PHYKPL: variants seen among roughly 807,000 people sequenced by gnomAD.
PHYKPL encodes 5-phosphohydroxy-L-lysine phospho-lyase, also known as 5-phosphonooxy-L-lysine phospho-lyase.
In PHYKPL, 42 loss-of-function variants were observed where a neutral mutation model predicts 51.3. The ratio of observed to expected loss-of-function variants is 0.82; its 90% CI spans 0.64 to 1.06. The LOEUF (loss-of-function observed/expected upper bound fraction) is 1.06, where lower values mean the gene tolerates loss of function less well. Among genes scored for constraint, PHYKPL ranks in the 50% least tolerant of loss-of-function variants. PHYKPL has a pLI of 0.00. For missense variants in PHYKPL, 655 were observed against 586.6 expected (o/e 1.12, Z -1.20); for synonymous variants, 264 against 236.0 (o/e 1.12, Z -1.09).
At chr5:178,232,462 C>CCCCCGCGA (rs1763719127) in intron 1 of PHYKPL, 30 bp downstream of exon 1, 1 of 1,358,398 alleles carries the variant, frequency 7.4e-7, no homozygotes, top group African/African-American at 1.5e-5. Context: ...CAGCCCCGCG[C>CCCCCGCGA]CCCCCGCCGC....
rs200663099 is a variant in PHYKPL, at chr5:178,224,429, C to T, written c.618+19G>A. The T allele has an allele frequency of 6.5e-7, 1 of 1,548,544 alleles. No individual in the cohort carries two copies. The highest frequency in any genetic ancestry group is 1.2e-5 in the South Asian group (1 of 80,712). On this transcript the variant is annotated intron_variant, in intron 6 of 12. Transcript: ENST00000308158. ...GACATTCACTGTTGGCTGGATTGGA[C>T]AGGCGCGGACACGGTTACCTTCCTG... is the stretch of plus-strand genomic sequence containing the variant.
intron 1 of PHYKPL, 80 bp downstream of exon 1, chr5:178,232,412 G>GCGTGCGTGCGTGCGT (rs1287606256): frequency 4.0e-5 from 54 of 1,336,078 alleles, no homozygotes; most frequent in Non-Finnish European, 5.0e-5. Flanking sequence ...CGTGCGTAGT[G>GCGTGCGTGCGTGCGT]CGTGCGTGCG....
chr5:178,225,372 G>A lies in PHYKPL; in HGVS notation c.396C>T (p.Asp132=), dbSNP rs528494634. The A allele has an allele frequency of 1.1e-5, 17 of 1,614,042 alleles. No homozygotes were observed. The highest frequency in any genetic ancestry group is 8.9e-5 in the East Asian group (4 of 44,884). ...GCACTTACTGATCTAATACCACCAC[G>A]TCCTGGTGTCCCGTGTAGTGGCGAG... is the stretch of plus-strand genomic sequence containing the variant. ...RLARHYTGHQ[D]VVVLDHAYHG... is the part of the protein sequence containing the mutation. Residue 132 remains aspartate, a synonymous_variant, in exon 4 of 13, where the codon GAC becomes GAT. Transcript: ENST00000308158.
chr5:178,213,933 C>A (rs780532089), intron 10 of PHYKPL, among the ~76,000 whole-genome samples: 51 of 152,174 alleles, frequency 3.4e-4, no homozygotes, highest in Non-Finnish European at 6.0e-4. Context: ...TGGAAAAGCA[C>A]CCCCAGGGTA....
Position 178,231,967 on chromosome 5 carries a change from C to CA in PHYKPL, c.60-445dup, listed in dbSNP as rs375451706. On this transcript the variant is annotated intron_variant, in intron 1 of 12. Coordinates refer to ENST00000308158, the MANE Select transcript of PHYKPL (RefSeq NM_153373.4). ...GGCCCTGCTGCCCCTCGCTGGGTGC[C>CA]AGCCCTAAGCTCCAGTGGGAGGCGA... 3.3e-6 allele frequency: 4 copies of CA among 1,229,512 alleles called. No individual in the cohort carries two copies. The East Asian group carries it at 2.3e-4, about 70-fold the overall frequency. 76.2% of individuals were successfully genotyped at this position (1,229,512 alleles called of 1,614,324 possible).
chr5:178,216,751 G>A (rs1044516992), intron 8 of PHYKPL: 13 of 152,236 alleles, frequency 8.5e-5, no homozygotes, highest in Admixed American at 5.9e-4. Flanking sequence ...TTACAAACAT[G>A]TTAGCTGGGT....
At chr5:178,222,321 C>A in intron 8 of PHYKPL, 34 bp downstream of exon 8, 1 of 1,575,182 alleles carries the variant, frequency 6.3e-7, no homozygotes, top group South Asian at 1.2e-5. Flanking sequence ...TATCAGAACC[C>A]ATGTTGCTCC....
intron 3 of PHYKPL, among the ~76,000 whole-genome samples, chr5:178,229,395 A>G (rs902587131): frequency 6.6e-6 from 1 of 152,174 alleles, no homozygotes; most frequent in Admixed American, 6.5e-5. Context: ...GGCATGAGCC[A>G]TCGTGCCCAG....
chr5:178,223,801 C>A, intron 6 of PHYKPL: 2 of 284,278 alleles, frequency 7.0e-6, no homozygotes, highest in Non-Finnish European at 1.4e-5. Context: ...AGGTAACACA[C>A]CTCTCTCTCC....
intron 12 of PHYKPL, chr5:178,210,302 C>T: frequency 1.2e-6 from 2 of 1,613,768 alleles, no homozygotes; most frequent in Non-Finnish European, 1.7e-6. Context: ...GCCCCATCCG[C>T]TCACCCCTCG....
intron 8 of PHYKPL, among the ~76,000 whole-genome samples, chr5:178,218,086 G>T (rs1228957860): frequency 1.8e-5 from 2 of 109,400 alleles, no homozygotes; most frequent in Admixed American, 9.8e-5. Context: ...GCGTGGTAGC[G>T]GGCGCCTGTA....
chr5:178,211,744 G>C, intron 12 of PHYKPL, 146 bp downstream of exon 12: 1 of 614,382 alleles, frequency 1.6e-6, no homozygotes, highest in East Asian at 2.8e-5. Flanking sequence ...AGAATTTCCA[G>C]TGTTGAAGAA....
chr5:178,210,217 C>A (rs754101035), intron 12 of PHYKPL: 2 of 1,612,118 alleles, frequency 1.2e-6, no homozygotes, highest in African/African-American at 1.3e-5. Context: ...CTGGCTATGG[C>A]GGCTACGACT....
chr5:178,225,230 A>G (rs2913869), intron 4 of PHYKPL, 125 bp downstream of exon 4: 303,380 of 1,097,118 alleles, frequency 0.28, 43,539 homozygotes, highest in South Asian at 0.33. Context: ...TGCCTGCCAC[A>G]CTTGTCTTCA....
intron 1 of PHYKPL, chr5:178,232,065 T>C (rs1763575875): frequency 8.4e-7 from 1 of 1,187,654 alleles, no homozygotes; most frequent in Non-Finnish European, 1.1e-6. Context: ...CCCCCGACTC[T>C]CCCTTGTCTG....
In PHYKPL at chr5:178,224,672, G is replaced by T; in HGVS notation, c.471C>A (p.Asn157Lys). ...LIDISPYKFR[N>K]LDGQKEWVHV... ...GGACCCACTCCTTCTGGCCATCCAG[G>T]TTGCGGAACTTGTAGGGACTGATGT... The change falls in exon 5 of 13, where the codon AAC (asparagine) becomes AAA (lysine). Residue 157 changes from asparagine to lysine, a missense_variant. Physicochemically the swap from Asn to Lys is moderately conservative, Grantham distance 94. Transcript: ENST00000308158. 6.2e-7 allele frequency: 1 copy of T among 1,614,250 alleles called. No homozygotes were observed. The highest frequency in any genetic ancestry group is 1.6e-4 in the Middle Eastern group (1 of 6,062).
intron 8 of PHYKPL, among the ~76,000 whole-genome samples, chr5:178,221,224 TAAAC>T (rs569905039): frequency 1.3e-3 from 199 of 152,234 alleles, no homozygotes; most frequent in African/African-American, 4.5e-3. Context: ...AACAAAGAAA[TAAAC>T]AAAAGTCAGG....
At chr5:178,222,150 G>A (rs1424077949) in intron 8 of PHYKPL, among the ~76,000 whole-genome samples, 1 of 152,248 alleles carries the variant, frequency 6.6e-6, no homozygotes, top group Non-Finnish European at 1.5e-5. Context: ...ATGGTCCCTT[G>A]TGACAGCTTT....
At position 178,224,546 on chromosome 5, in the gene PHYKPL, A is replaced by G. The variant is rs918811303; in HGVS notation, c.520T>C (p.Tyr174His). The G allele has an allele frequency of 3.1e-6, 5 of 1,614,176 alleles. No individual in the cohort carries two copies. The highest frequency in any genetic ancestry group is 4.2e-6 in the Non-Finnish European group (5 of 1,180,006). ...WVHVAPLPDT[Y>H]RGPYREDHPN... ...TGGTCCTCCCGGTAGGGGCCCCGGT[A>G]GGTGTCTGGGAGAGGTGCCTGTGGG... is the stretch of plus-strand genomic sequence containing the variant. Residue 174 changes from tyrosine to histidine, a missense_variant, in exon 6 of 13, where the codon TAC becomes CAC. Coordinates refer to ENST00000308158, the MANE Select transcript of PHYKPL (RefSeq NM_153373.4).
Sources: gnomAD v4.1 joint callset for allele counts (sites outside exome capture counted in the v4.1 genomes callset) on GRCh38, gnomAD v4.1.1 for gene constraint, MANE v1.5 for transcripts, NCBI Gene and HGNC (gene_info 2026-07-23, HGNC 2026-07-21) for gene names.